KTN1: variants seen among roughly 807,000 people sequenced by gnomAD.
KTN1 encodes kinectin.
Under a neutral mutation model 222.5 loss-of-function variants are expected in KTN1, and 130 were observed. The observed-to-expected ratio is 0.58, with a 90% CI of 0.51 to 0.68. KTN1 has a LOEUF of 0.68. Ranked by LOEUF, KTN1 falls within the 30% of genes least tolerant of loss-of-function variation. The pLI is 0.00. For missense variants in KTN1, 1,508 were observed against 1,500.4 expected (o/e 1.01, Z -0.08); for synonymous variants, 512 against 496.3 (o/e 1.03, Z -0.42).
chr14:55,646,440 C>T (rs1233307916), intron 18 of KTN1, among the ~76,000 whole-genome samples: 1 of 106,560 alleles, frequency 9.4e-6, no homozygotes, highest in Non-Finnish European at 1.9e-5. Flanking sequence ...CCTTTCCTTT[C>T]CTTTTCCTTT....
At chr14:55,617,172 TTA>T (rs1234275174) in intron 3 of KTN1, among the ~76,000 whole-genome samples, 7 of 152,140 alleles carry the variant, frequency 4.6e-5, no homozygotes, top group Non-Finnish European at 1.0e-4. Flanking sequence ...CAACTTAAAA[TTA>T]TGACATATCA....
At chr14:55,586,929 G>A (rs1213707694) in intron 1 of KTN1, among the ~76,000 whole-genome samples, 3 of 152,020 alleles carry the variant, frequency 2.0e-5, no homozygotes, top group South Asian at 2.1e-4. Flanking sequence ...TTTCTTAATG[G>A]TTACCTCGAA....
intron 1 of KTN1, among the ~76,000 whole-genome samples, chr14:55,604,420 A>G (rs1207773356): frequency 6.6e-6 from 1 of 152,006 alleles, no homozygotes; most frequent in Non-Finnish European, 1.5e-5. Flanking sequence ...CTAAATTTTA[A>G]CCATTAGGAG....
chr14:55,631,344 A>AGATATATATATG (rs2040500470), intron 7 of KTN1, among the ~76,000 whole-genome samples: 1 of 85,306 alleles, frequency 1.2e-5, no homozygotes, highest in Non-Finnish European at 2.6e-5. Context: ...TAAGGTTGAT[A>AGATATATATATG]TATATATATA....
chr14:55,649,446 T>C (rs747523561), intron 21 of KTN1, among the ~76,000 whole-genome samples: 1 of 152,218 alleles, frequency 6.6e-6, no homozygotes, highest in Non-Finnish European at 1.5e-5. Context: ...TATACAAATA[T>C]AAAGTAAGAC....
At chr14:55,633,159 T>C in intron 7 of KTN1, 76 bp from the exon 8 acceptor site, 1 of 659,080 alleles carries the variant, frequency 1.5e-6, no homozygotes, top group Non-Finnish European at 2.4e-6. Flanking sequence ...ATATTCTCAT[T>C]TTAATAAAGT....
At chr14:55,599,513 G>A (rs530538298) in intron 1 of KTN1, among the ~76,000 whole-genome samples, 1 of 151,906 alleles carries the variant, frequency 6.6e-6, no homozygotes, top group South Asian at 2.1e-4. Flanking sequence ...TGCCCAGGGC[G>A]GAGTGCAGTG....
intron 31 of KTN1, 192 bp from the exon 32 acceptor site, chr14:55,661,330 T>C (rs929741105): frequency 2.1e-6 from 1 of 469,222 alleles, no homozygotes; most frequent in Non-Finnish European, 3.8e-6. Flanking sequence ...TAAAAACTTA[T>C]ATTAGAAATC....
chr14:55,623,312 A>G (rs2039393618), intron 5 of KTN1, among the ~76,000 whole-genome samples: 1 of 152,278 alleles, frequency 6.6e-6, no homozygotes, highest in African/African-American at 2.4e-5. Flanking sequence ...ATCAGTAAAT[A>G]TGATAAATGT....
chr14:55,592,308 C>G (rs187835498), intron 1 of KTN1, among the ~76,000 whole-genome samples: 1 of 152,308 alleles, frequency 6.6e-6, no homozygotes, highest in Admixed American at 6.5e-5. Flanking sequence ...AAGATTTCCA[C>G]TGCTTACCAT....
At chr14:55,580,599 C>T (rs924591477) in intron 1 of KTN1, among the ~76,000 whole-genome samples, 8 of 151,712 alleles carry the variant, frequency 5.3e-5, no homozygotes, top group Admixed American at 2.6e-4. Context: ...CGCGGGGCCG[C>T]TCTGGGCCCG....
chr14:55,648,319 A>G (rs749170238), intron 20 of KTN1, among the ~76,000 whole-genome samples: 1 of 152,222 alleles, frequency 6.6e-6, no homozygotes, highest in African/African-American at 2.4e-5. Context: ...GGTAGATACT[A>G]TTGTTATAGT....
At chr14:55,643,244 T>C (rs2041975451) in intron 18 of KTN1, among the ~76,000 whole-genome samples, 2 of 152,146 alleles carry the variant, frequency 1.3e-5, no homozygotes, top group South Asian at 4.1e-4. Flanking sequence ...TTTTCTGGTA[T>C]AGCTTACAAA....
chr14:55,641,288 C>T (rs1218394329), intron 17 of KTN1, 80 bp downstream of exon 17: 8 of 802,078 alleles, frequency 1.0e-5, no homozygotes, highest in East Asian at 2.6e-5. Flanking sequence ...AGAAATACTA[C>T]GTTTTGTATG....
At chr14:55,616,335 A>G (rs1372292466) in intron 2 of KTN1, among the ~76,000 whole-genome samples, 182 bp from the exon 3 acceptor site, 1 of 152,188 alleles carries the variant, frequency 6.6e-6, no homozygotes, top group African/African-American at 2.4e-5. Flanking sequence ...AAGGAGGAGT[A>G]AGTACATTGA....
intron 28 of KTN1, among the ~76,000 whole-genome samples, chr14:55,653,797 T>C (rs1213848600): frequency 2.6e-5 from 4 of 152,186 alleles, no homozygotes; most frequent in Non-Finnish European, 4.4e-5. Flanking sequence ...CTGGAGACTT[T>C]ATCCTTTCCA....
intron 18 of KTN1, among the ~76,000 whole-genome samples, chr14:55,645,245 G>A (rs1360468327): frequency 2.0e-5 from 3 of 152,198 alleles, no homozygotes; most frequent in Non-Finnish European, 2.9e-5. Context: ...ACATGACAGT[G>A]TGGCAAGATT....
At chr14:55,619,502 G>A (rs771550214) in intron 5 of KTN1, among the ~76,000 whole-genome samples, 190 bp downstream of exon 5, 11 of 152,100 alleles carry the variant, frequency 7.2e-5, no homozygotes, top group Non-Finnish European at 1.3e-4. Flanking sequence ...AGAGATACCC[G>A]AGACTGGGTA....
chr14:55,591,581 C>CTTTTTTTTTTTT (rs71131297), intron 1 of KTN1, among the ~76,000 whole-genome samples: 6 of 87,680 alleles, frequency 6.8e-5, no homozygotes, highest in East Asian at 4.1e-4. Context: ...TTCTCTCTTT[C>CTTTTTTTTTTTT]TTTTTTTTTT....
Sources: allele counts gnomAD v4.1 joint callset (sites outside exome capture counted in the v4.1 genomes callset), GRCh38; gene constraint gnomAD v4.1.1; transcripts MANE v1.5; gene names NCBI Gene and HGNC (gene_info 2026-07-23, HGNC 2026-07-21).